NALCN: variants seen among roughly 807,000 people sequenced by gnomAD.
The protein encoded by NALCN is sodium leak channel, non-selective, also known as sodium leak channel NALCN.
NALCN carries 111 observed loss-of-function variants against 225.3 expected under a neutral mutation model. That is an observed-to-expected ratio of 0.49 (90% CI 0.42 to 0.58). NALCN has a LOEUF of 0.58. Ranked by LOEUF, NALCN falls within the 20% of genes least tolerant of loss-of-function variation. The pLI is 0.00. For synonymous variants in NALCN, 764 were observed against 769.0 expected, an observed-to-expected ratio of 0.99 and a Z score of 0.11; for missense variants, 1,378 against 2,202.4, an observed-to-expected ratio of 0.63 and a Z score of 7.49.
chr13:101,141,214 T>C (rs990710751), intron 17 of NALCN, among the ~76,000 whole-genome samples: 3 of 152,062 alleles, frequency 2.0e-5, no homozygotes, highest in African/African-American at 7.2e-5. Flanking sequence ...AATATCTTAG[T>C]TGGCAAGCTG....
chr13:101,407,281 G>T (rs992981453), intron 1 of NALCN, among the ~76,000 whole-genome samples: 3 of 152,110 alleles, frequency 2.0e-5, no homozygotes, highest in African/African-American at 7.2e-5. Context: ...TATCCCAAAA[G>T]GTGGTAAACT....
In NALCN at chr13:101,210,740, C is replaced by G. The variant is rs897073758; in HGVS notation, c.1626+18653G>C. 3.9e-5 allele frequency among the ~76,000 whole-genome samples: 6 copies of G among 152,164 alleles called. No individual in the cohort carries two copies. The East Asian group carries it at 1.2e-3, about 29-fold the overall frequency. ...TCAGCATGCCATGCTAAGACATGGG[C>G]TTTCCATGCATTTAAGAAGGACAAC... On this transcript the variant is annotated intron_variant, in intron 13 of 43. Transcript: ENST00000251127.
chr13:101,064,999 A>T (rs2032250705), intron 40 of NALCN, among the ~76,000 whole-genome samples: 1 of 152,182 alleles, frequency 6.6e-6, no homozygotes, highest in South Asian at 2.1e-4. Context: ...CATGCAAGTG[A>T]GGTGCTCTGC....
intron 10 of NALCN, among the ~76,000 whole-genome samples, chr13:101,259,496 G>A (rs952848675): frequency 6.6e-6 from 1 of 151,394 alleles, no homozygotes; most frequent in Non-Finnish European, 1.5e-5. Flanking sequence ...ACCACGTCTG[G>A]CTAATTTTTT....
Position 101,211,625 on chromosome 13 carries a change from T to G in NALCN, c.1626+17768A>C, listed in dbSNP as rs569297463. Among the ~76,000 whole-genome samples the G allele has an allele frequency of 6.4e-3, 930 of 145,432 alleles. 7 individuals carry two copies. The highest frequency in any genetic ancestry group is 0.02 in the African/African-American group (776 of 38,568). On this transcript the variant is annotated intron_variant, in intron 13 of 43. Coordinates refer to ENST00000251127, the MANE Select transcript of NALCN (RefSeq NM_052867.4). ...TGAAAATTAATTTTACAGTTTTTTT[T>G]GGGGGGGGAGACAATGACAATAAAC...
chr13:101,110,620 T>C lies in NALCN; in HGVS notation c.2363A>G (p.Asp788Gly), dbSNP rs371836511. ...RGKSLETLTQDHSNTVRYRNA... is the reference protein window; with the variant it reads ...RGKSLETLTQGHSNTVRYRNA... The stretch of plus-strand genomic sequence containing the variant: ...TCCAAAGCATTGCTTAAAACTTACA[T>C]CTTGAGTCAAAGTTTCAAGAGATTT... The change falls in exon 20 of 44, where the codon GAT (aspartate) becomes GGT (glycine). Residue 788 changes from aspartate to glycine, a missense_variant and splice_region_variant. By Grantham distance (94) the Asp-to-Gly change is moderately conservative. Transcript: ENST00000251127. 7 of 1,613,836 alleles carry C rather than the reference T, an allele frequency of 4.3e-6. No homozygotes were observed. The highest frequency in any genetic ancestry group is 5.9e-6 in the Non-Finnish European group (7 of 1,179,912).
intron 15 of NALCN, among the ~76,000 whole-genome samples, chr13:101,175,598 G>A (rs886461247): frequency 2.6e-5 from 4 of 152,090 alleles, no homozygotes; most frequent in South Asian, 2.1e-4. Context: ...ATACAAGAAC[G>A]TTCCACCCAT....
intron 12 of NALCN, among the ~76,000 whole-genome samples, chr13:101,233,713 A>G (rs1301771561): frequency 6.6e-6 from 1 of 152,246 alleles, no homozygotes; most frequent in East Asian, 1.9e-4. Flanking sequence ...TGAGACCTCA[A>G]TTTACACATA....
chr13:101,282,867 G>A (rs1425814424), intron 10 of NALCN, among the ~76,000 whole-genome samples: 3 of 152,010 alleles, frequency 2.0e-5, no homozygotes, highest in Non-Finnish European at 4.4e-5. Flanking sequence ...TATAAACATA[G>A]CCCACAGTAA....
intron 6 of NALCN, among the ~76,000 whole-genome samples, chr13:101,355,864 G>A (rs915172354): frequency 1.3e-5 from 2 of 152,118 alleles, no homozygotes; most frequent in Admixed American, 1.3e-4. Flanking sequence ...AGACCACAGT[G>A]CAATCAAATT....
At chr13:101,245,301 T>C (rs901283409) in intron 11 of NALCN, among the ~76,000 whole-genome samples, 2 of 150,820 alleles carry the variant, frequency 1.3e-5, no homozygotes, top group Admixed American at 6.6e-5. Flanking sequence ...TAAACTTTTC[T>C]TTTTTTTTGC....
At chr13:101,145,708 T>C (rs941838289) in intron 15 of NALCN, among the ~76,000 whole-genome samples, 4 of 152,154 alleles carry the variant, frequency 2.6e-5, no homozygotes, top group African/African-American at 7.2e-5. Flanking sequence ...AGTCCCTCTT[T>C]ACTTCTGTTT....
chr13:101,411,217 CT>C (rs1435968741), intron 1 of NALCN, among the ~76,000 whole-genome samples: 13 of 141,712 alleles, frequency 9.2e-5, no homozygotes, highest in East Asian at 2.2e-4. Flanking sequence ...CTTTTTTTTC[CT>C]TTTTTTTTGT....
chr13:101,344,638 T>C (rs950960743), intron 7 of NALCN, among the ~76,000 whole-genome samples: 3 of 152,176 alleles, frequency 2.0e-5, no homozygotes, highest in Non-Finnish European at 2.9e-5. Context: ...TACAATGATA[T>C]CAACTAAATG....
rs1342178270 is a variant in NALCN at position 101,258,433 on chromosome 13, AGCT to A, written c.1266+7_1266+9del. On this transcript the variant is annotated splice_region_variant and intron_variant, in intron 11 of 43. Transcript: ENST00000251127. ...TTGCCCAGCGATCTGCACGGTGGAG[AGCT>A]GCTTACCTCCGCCAGGTAGAACTCG... 2 of 1,613,724 alleles carry A rather than the reference AGCT, an allele frequency of 1.2e-6. No individual in the cohort carries two copies. The highest frequency in any genetic ancestry group is 1.7e-6 in the Non-Finnish European group (2 of 1,179,954).
At chr13:101,398,849 C>T (rs543948519) in intron 2 of NALCN, among the ~76,000 whole-genome samples, 170 bp downstream of exon 2, 60 of 152,198 alleles carry the variant, frequency 3.9e-4, no homozygotes, top group African/African-American at 1.4e-3. Flanking sequence ...TAACTCATAG[C>T]GACATCTCAC....
intron 11 of NALCN, among the ~76,000 whole-genome samples, chr13:101,240,212 G>A (rs924437071): frequency 1.1e-4 from 16 of 151,734 alleles, no homozygotes; most frequent in Admixed American, 1.1e-3. Flanking sequence ...ATATAAAATA[G>A]AACTTTAAGA....
Position 101,225,130 on chromosome 13 carries a change from C to T in NALCN, c.1626+4263G>A, listed in dbSNP as rs565331397. On this transcript the variant is annotated intron_variant, in intron 13 of 43. Coordinates refer to ENST00000251127, the MANE Select transcript of NALCN (RefSeq NM_052867.4). ...TTAAATGTGTAAAAAATAACTCTTC[C>T]TATATCTCTACTATAGTGGGTGTCT... Among the ~76,000 whole-genome samples the T allele has an allele frequency of 4.6e-5, 7 of 152,276 alleles. No individual in the cohort carries two copies. In the South Asian group the frequency reaches 1.5e-3, roughly 32 times the overall value.
At chr13:101,403,989 GT>G (rs916833759) in intron 1 of NALCN, among the ~76,000 whole-genome samples, 2 of 152,214 alleles carry the variant, frequency 1.3e-5, no homozygotes, top group African/African-American at 4.8e-5. Context: ...TAATTGTTTT[GT>G]TTTTTGACTA....
Sources: allele counts gnomAD v4.1 joint callset (sites outside exome capture counted in the v4.1 genomes callset), GRCh38; gene constraint gnomAD v4.1.1; transcripts MANE v1.5; gene names NCBI Gene and HGNC (gene_info 2026-07-23, HGNC 2026-07-21).